ZNF532: variants seen among roughly 807,000 people sequenced by gnomAD.
ZNF532 encodes zinc finger protein 532.
In ZNF532, 22 loss-of-function variants were observed where a neutral mutation model predicts 89.3. The ratio of observed to expected loss-of-function variants is 0.25; its 90% confidence interval spans 0.18 to 0.35. The LOEUF is 0.35. ZNF532 is among the 10% of genes least tolerant of loss of function. The pLI is 1.00. For synonymous variants in ZNF532, 606 were observed against 649.6 expected (o/e 0.93, Z 1.02); for missense variants, 1,132 against 1,643.4 (o/e 0.69, Z 5.38).
intron 2 of ZNF532, among the ~76,000 whole-genome samples, chr18:58,900,983 G>T (rs2059564744): frequency 1.3e-5 from 2 of 152,134 alleles, no homozygotes; most frequent in Admixed American, 6.5e-5. Context: ...TTTCAGGAGG[G>T]AAGGGAAAGA....
chr18:58,941,101 A>G (rs1233784875), intron 5 of ZNF532, among the ~76,000 whole-genome samples: 1 of 151,794 alleles, frequency 6.6e-6, no homozygotes, highest in Non-Finnish European at 1.5e-5. Flanking sequence ...TTTTAGTAGG[A>G]CCTTCATTCT....
At chr18:58,926,248 A>T (rs893385778) in intron 3 of ZNF532, 1 of 152,226 alleles carries the variant, frequency 6.6e-6, no homozygotes, top group Admixed American at 6.5e-5. Context: ...ATTTATACTG[A>T]TAAGAACAGA....
intron 2 of ZNF532, among the ~76,000 whole-genome samples, chr18:58,903,168 G>A (rs186082520): frequency 2.8e-4 from 43 of 152,272 alleles, no homozygotes; most frequent in East Asian, 2.1e-3. Context: ...AGGAAATTGA[G>A]GCTCTTCCTT....
At position 58,946,919 on chromosome 18, in the gene ZNF532, C is replaced by T. The variant is rs150814455; in HGVS notation, c.2706-1148C>T. On this transcript the variant is annotated intron_variant, in intron 5 of 9. Transcript: ENST00000591808. The stretch of plus-strand genomic sequence containing the variant: ...GAGAATTGCACAGTGAGGTTTGAAG[C>T]TACATGGGAAGTCCTCTCTCAGGGC... 7.6e-3 allele frequency among the ~76,000 whole-genome samples: 1,155 copies of T among 152,146 alleles called. 12 individuals are homozygous for T. The highest frequency in any genetic ancestry group is 0.026 in the African/African-American group (1,085 of 41,516).
chr18:58,942,179 C>T (rs956540976), intron 5 of ZNF532, among the ~76,000 whole-genome samples: 12 of 151,766 alleles, frequency 7.9e-5, no homozygotes, highest in Non-Finnish European at 1.3e-4. Flanking sequence ...CCCACCACCA[C>T]GCCTGGCTAA....
At chr18:58,869,998 C>T (rs7343016) in intron 2 of ZNF532, among the ~76,000 whole-genome samples, 13,131 of 150,282 alleles carry the variant, frequency 0.087, 604 homozygotes, top group Middle Eastern at 0.17. Flanking sequence ...GAACTCCTGA[C>T]CTTGTGATCC....
chr18:58,965,862 A>G (rs1177534341), intron 7 of ZNF532, among the ~76,000 whole-genome samples: 2 of 152,178 alleles, frequency 1.3e-5, no homozygotes, highest in Non-Finnish European at 1.5e-5. Flanking sequence ...CCTGAGCCTT[A>G]TGAGGGACAG....
chr18:58,863,240 C>T (rs2056109718), upstream of ZNF532: 1 of 152,028 alleles, frequency 6.6e-6, no homozygotes, highest in Non-Finnish European at 1.5e-5. Context: ...GCAGCCCTCC[C>T]TGCGCCCCCT....
intron 2 of ZNF532, among the ~76,000 whole-genome samples, chr18:58,881,170 C>T (rs1234476950): frequency 1.3e-5 from 2 of 151,308 alleles, no homozygotes; most frequent in East Asian, 2.0e-4. Flanking sequence ...GGCGTGATCT[C>T]GGTTCACTGC....
chr18:58,907,554 G>GGTGC (rs1264534920), intron 2 of ZNF532, among the ~76,000 whole-genome samples: 1 of 151,954 alleles, frequency 6.6e-6, no homozygotes, highest in Non-Finnish European at 1.5e-5. Flanking sequence ...GGAGTGCAGT[G>GGTGC]GTGCGATCCC....
intron 2 of ZNF532, among the ~76,000 whole-genome samples, chr18:58,888,853 A>ATATATATATAATATATATTATATATAT (rs1418099473): frequency 2.4e-5 from 1 of 42,362 alleles, no homozygotes; most frequent in African/African-American, 1.3e-4. Context: ...ATATATATAT[A>ATATATATATAATATATATTATATATAT]ATTTATATAT....
chr18:58,894,733 C>G (rs868276143), intron 2 of ZNF532, among the ~76,000 whole-genome samples: 5 of 152,168 alleles, frequency 3.3e-5, no homozygotes, highest in Admixed American at 1.3e-4. Flanking sequence ...TCAGGCACTA[C>G]TTGGCATTTT....
chr18:58,895,176 G>GTCACA (rs1159171589), intron 2 of ZNF532, among the ~76,000 whole-genome samples: 3 of 152,208 alleles, frequency 2.0e-5, no homozygotes, highest in African/African-American at 7.2e-5. Flanking sequence ...CAGGGTGCCA[G>GTCACA]TCACAGATGG....
At chr18:58,918,127 T>G in intron 2 of ZNF532, 144 bp from the exon 3 acceptor site, 1 of 736,756 alleles carries the variant, frequency 1.4e-6, no homozygotes. Flanking sequence ...CCACTTGGAC[T>G]CAGAGTTTCG....
upstream of ZNF532, chr18:58,863,506 CCG>C: frequency 4.9e-4 from 2 of 4,110 alleles, no homozygotes; most frequent in African/African-American, 8.3e-4. Context: ...CCGGGCCGAG[CCG>C]CCGCCGCCGC....
intron 2 of ZNF532, among the ~76,000 whole-genome samples, chr18:58,865,899 A>T (rs2056411100): frequency 6.6e-6 from 1 of 152,222 alleles, no homozygotes; most frequent in Non-Finnish European, 1.5e-5. Flanking sequence ...AAAGCAGTAC[A>T]CATGTGGCAT....
chr18:58,976,540 T>C (rs973026234), intron 7 of ZNF532, among the ~76,000 whole-genome samples: 1 of 132,228 alleles, frequency 7.6e-6, no homozygotes, highest in African/African-American at 2.9e-5. Flanking sequence ...AAGATGACTT[T>C]CAGTTGATTT....
chr18:58,909,690 C>G (rs147197322), intron 2 of ZNF532, among the ~76,000 whole-genome samples: 18 of 152,086 alleles, frequency 1.2e-4, no homozygotes, highest in Admixed American at 1.0e-3. Context: ...AAAACAGGCA[C>G]GCGGGAACAC....
At chr18:58,907,579 A>G (rs1162903563) in intron 2 of ZNF532, among the ~76,000 whole-genome samples, 1 of 151,586 alleles carries the variant, frequency 6.6e-6, no homozygotes, top group African/African-American at 2.4e-5. Context: ...GAGAAGTTTT[A>G]TACCCAGTGA....
Sources: gnomAD v4.1 joint callset for allele counts (sites outside exome capture counted in the v4.1 genomes callset) on GRCh38, gnomAD v4.1.1 for gene constraint, MANE v1.5 for transcripts, NCBI Gene and HGNC (gene_info 2026-07-23, HGNC 2026-07-21) for gene names.